The following MYT1L variants were observed in gnomAD, a reference collection of about 807,000 sequenced individuals.
The protein encoded by MYT1L is myelin transcription factor 1 like.
A neutral mutation model predicts 126.7 loss-of-function variants in MYT1L; 12 were observed. The observed-to-expected ratio is 0.09, with a 90% CI of 0.06 to 0.15. The LOEUF (loss-of-function observed/expected upper bound fraction) is 0.15, where lower values mean the gene tolerates loss of function less well. MYT1L is among the 10% of genes least tolerant of loss of function. The pLI, the probability that MYT1L is intolerant of heterozygous loss-of-function variation, is 1.00. For missense variants in MYT1L, 979 were observed against 1,585.2 expected (o/e 0.62, Z 6.49); for synonymous variants, 541 against 604.2 (o/e 0.90, Z 1.53).
intron 4 of MYT1L, among the ~76,000 whole-genome samples, chr2:2,048,978 TCAAA>T (rs1471913672): frequency 6.6e-5 from 10 of 152,164 alleles, no homozygotes; most frequent in South Asian, 4.1e-4. Context: ...AAATAAAAGC[TCAAA>T]CAATTTTATT....
rs926449467 is a variant in MYT1L, at chr2:2,166,020, G to A, written c.-304+6852C>T. ...AAGAAGAGCATGCATGAAATATTAT[G>A]AGAGCTATGGGGAAAACTAAAGTCA... On this transcript the variant is annotated intron_variant, in intron 3 of 24. Transcript: ENST00000647738. Among the ~76,000 whole-genome samples the A allele has an allele frequency of 5.3e-5, 8 of 152,242 alleles. No individual in the cohort carries two copies. The East Asian group carries it at 1.2e-3, about 22-fold the overall frequency.
At chr2:2,004,820 T>C (rs1400795710) in intron 4 of MYT1L, among the ~76,000 whole-genome samples, 1 of 151,154 alleles carries the variant, frequency 6.6e-6, no homozygotes, top group Non-Finnish European at 1.5e-5. Flanking sequence ...GCAGGCATTC[T>C]TTCCTGCATG....
intron 3 of MYT1L, among the ~76,000 whole-genome samples, chr2:2,089,919 A>G (rs1198988298): frequency 4.6e-5 from 7 of 152,196 alleles, no homozygotes; most frequent in Admixed American, 2.6e-4. Flanking sequence ...CCCTGTGAAC[A>G]TAAGTGAGAT....
intron 21 of MYT1L, among the ~76,000 whole-genome samples, chr2:1,835,034 G>GGGGATGGATACAGGTA (rs1558696934): frequency 0.023 from 1,406 of 61,252 alleles, 110 homozygotes; most frequent in East Asian, 0.046. Context: ...GGATACAGGT[G>GGGGATGGATACAGGTA]CTCCTCCACA....
intron 2 of MYT1L, among the ~76,000 whole-genome samples, chr2:2,272,650 G>T (rs1423439028): frequency 6.6e-6 from 1 of 152,144 alleles, no homozygotes; most frequent in East Asian, 1.9e-4. Flanking sequence ...AACTCCTGAA[G>T]CCCATATTCA....
chr2:2,228,565 T>G lies in MYT1L; in HGVS notation c.-420-55577A>C, dbSNP rs2094078096. Among the ~76,000 whole-genome samples the G allele has an allele frequency of 6.6e-6, 1 of 152,190 alleles. No individual in the cohort carries two copies. The highest frequency in any genetic ancestry group is 2.4e-5 in the African/African-American group (1 of 41,444). ...CTTTTTGATTTTATAGAAAAAGTAT[T>G]TATATAAATTCTTGAGTTGAAAGAT... On this transcript the variant is annotated intron_variant, in intron 2 of 24. Transcript: ENST00000647738. This position sits in a 1 kb window ranked among gnomAD's most constrained non-coding sequence, Gnocchi z 5.9.
At chr2:2,250,203 A>G (rs1559458862) in intron 2 of MYT1L, among the ~76,000 whole-genome samples, 1 of 152,218 alleles carries the variant, frequency 6.6e-6, no homozygotes, top group Non-Finnish European at 1.5e-5. Flanking sequence ...GTAATTGAAG[A>G]GATCTCTGCA....
rs140573067 is a variant in MYT1L at position 1,933,803 on chromosome 2, C to A, written c.505+9179G>T. On this transcript the variant is annotated intron_variant, in intron 9 of 24. Coordinates refer to ENST00000647738, the MANE Select transcript of MYT1L (RefSeq NM_001303052.2). ...GCACAGTGCCATGAGCCACATAGGC[C>A]AACCCACATGCGATTGGTGTGGCGA... Among the ~76,000 whole-genome samples, 491 of 152,152 alleles carry A rather than the reference C, an allele frequency of 3.2e-3. 4 individuals are homozygous for A. The highest frequency in any genetic ancestry group is 9.3e-3 in the South Asian group (45 of 4,814).
At chr2:2,215,205 A>G (rs2093643505) in intron 2 of MYT1L, among the ~76,000 whole-genome samples, 2 of 152,220 alleles carry the variant, frequency 1.3e-5, no homozygotes, top group South Asian at 4.1e-4. Flanking sequence ...AGAATTAACT[A>G]TATTCATACA....
intron 2 of MYT1L, among the ~76,000 whole-genome samples, chr2:2,188,506 C>A (rs977854624): frequency 1.4e-4 from 22 of 152,168 alleles, no homozygotes; most frequent in Admixed American, 1.1e-3. Flanking sequence ...ATTTAAGGGA[C>A]CTTTACATTT....
In MYT1L at chr2:1,811,879, G is replaced by T. The variant is rs1363052089; in HGVS notation, c.3081-2712C>A. Among the ~76,000 whole-genome samples, 1 of 152,142 alleles carries T rather than the reference G, an allele frequency of 6.6e-6. No homozygotes were observed. The highest frequency in any genetic ancestry group is 2.4e-5 in the African/African-American group (1 of 41,434). On this transcript the variant is annotated intron_variant, in intron 21 of 24. Transcript: ENST00000647738. The surrounding 1 kb of genome is among the most constrained non-coding windows in gnomAD (Gnocchi z 4.4). ...CCTCCCCATCAGATCCCAGCAGGAC[G>T]CCCTGCAAATCCGGCTGGGGTGGGG...
chr2:2,233,723 G>A (rs1209749571), intron 2 of MYT1L, among the ~76,000 whole-genome samples: 2 of 152,198 alleles, frequency 1.3e-5, no homozygotes, highest in Non-Finnish European at 2.9e-5. Context: ...GTGGGCTGCT[G>A]CCTGGGAGGG....
At chr2:2,235,757 A>G (rs1450192923) in intron 2 of MYT1L, among the ~76,000 whole-genome samples, 1 of 152,142 alleles carries the variant, frequency 6.6e-6, no homozygotes, top group African/African-American at 2.4e-5. Context: ...GCTGATTTCC[A>G]TGGTGAAATT....
chr2:2,254,301 G>C lies in MYT1L; in HGVS notation c.-421+30103C>G, dbSNP rs146238011. ...ATGACTGCAGATCAGACCTGGATTC[G>C]GGATTTAGAGTCGAACTCCATCAAT... On this transcript the variant is annotated intron_variant, in intron 2 of 24. Transcript: ENST00000647738. Among the ~76,000 whole-genome samples the C allele has an allele frequency of 8.6e-4, 131 of 152,266 alleles. No homozygotes were observed. The East Asian group carries it at 0.023, about 26-fold the overall frequency.
At chr2:2,140,172 C>T (rs886973990) in intron 3 of MYT1L, among the ~76,000 whole-genome samples, 2 of 152,110 alleles carry the variant, frequency 1.3e-5, no homozygotes, top group African/African-American at 4.8e-5. Context: ...AAGTTGTTGA[C>T]ATACATTGAT....
chr2:1,793,423 C>A lies in MYT1L; in HGVS notation c.3277-959G>T, dbSNP rs752587457. Among the ~76,000 whole-genome samples, 1 of 152,174 alleles carries A rather than the reference C, an allele frequency of 6.6e-6. No individual in the cohort carries two copies. Among genetic ancestry groups the A allele is most frequent in the African/African-American group, 2.4e-5 (1 of 41,468 alleles). On this transcript the variant is annotated intron_variant, in intron 23 of 24. Coordinates refer to ENST00000647738, the MANE Select transcript of MYT1L (RefSeq NM_001303052.2). This position sits in a 1 kb window ranked among gnomAD's most constrained non-coding sequence, Gnocchi z 4.6. ...TTCTTCCTGGAAGACCGGGCCGACCCGCAGAGTCCAGGGCTGGCTTGCCTG... is the reference window on the plus strand; with the variant it reads ...TTCTTCCTGGAAGACCGGGCCGACCAGCAGAGTCCAGGGCTGGCTTGCCTG...
chr2:2,180,586 CTA>C (rs899467394), intron 2 of MYT1L, among the ~76,000 whole-genome samples: 9 of 148,454 alleles, frequency 6.1e-5, no homozygotes, highest in Non-Finnish European at 1.3e-4. Flanking sequence ...GTGTGTGCGC[CTA>C]TGTGTGTACC....
At chr2:1,970,319 T>TTG (rs554849893) in intron 8 of MYT1L, among the ~76,000 whole-genome samples, 167 of 152,274 alleles carry the variant, frequency 1.1e-3, no homozygotes, top group African/African-American at 3.8e-3. Flanking sequence ...ACCTGGCTAC[T>TTG]CCAGAAGTAT....
intron 9 of MYT1L, among the ~76,000 whole-genome samples, chr2:1,934,659 CTCTG>C (rs2055578315): frequency 1.3e-5 from 2 of 151,916 alleles, no homozygotes; most frequent in African/African-American, 4.8e-5. Context: ...ACACCACTGT[CTCTG>C]TCTCTCTGTC....
Sources: allele counts gnomAD v4.1 joint callset (sites outside exome capture counted in the v4.1 genomes callset), GRCh38; gene constraint gnomAD v4.1.1; non-coding constraint Gnocchi (gnomAD v3.1); transcripts MANE v1.5; gene names NCBI Gene and HGNC (gene_info 2026-07-23, HGNC 2026-07-21).